Variants in UBLCP1 observed in about 807,000 individuals in gnomAD.
UBLCP1 encodes the protein ubiquitin-like domain-containing CTD phosphatase 1.
UBLCP1 carries 28 observed loss-of-function variants against 42.4 expected under a neutral mutation model. The ratio of observed to expected loss-of-function variants is 0.66; its 90% CI spans 0.49 to 0.90. The LOEUF is 0.90. UBLCP1 is among the 40% of genes least tolerant of loss of function. The pLI is 0.00. For missense variants in UBLCP1, 279 were observed against 374.5 expected, an observed-to-expected ratio of 0.75 and a Z score of 2.10; for synonymous variants, 122 against 120.8, an observed-to-expected ratio of 1.01 and a Z score of -0.07.
intron 8 of UBLCP1, 128 bp downstream of exon 8, chr5:159,275,374 A>G: frequency 1.9e-6 from 1 of 529,748 alleles, no homozygotes. Flanking sequence ...TTGAGTTTTG[A>G]CATAGGAAAA....
rs890536656 is a variant in UBLCP1, at chr5:159,285,897, G to A, written c.*966G>A. ...GCTTAAGCCTGCAGATACGTAATGT[G>A]ACCACTGTTTTGTGTTGACAATATT... On this transcript the variant is annotated 3_prime_UTR_variant, in exon 11 of 11. Coordinates refer to ENST00000296786, the MANE Select transcript of UBLCP1 (RefSeq NM_145049.5). The A allele has an allele frequency of 6.5e-6, 1 of 152,716 alleles. No individual in the cohort carries two copies. The highest frequency in any genetic ancestry group is 2.4e-5 in the African/African-American group (1 of 41,434). The allele number at this position is 152,716 out of a possible 1,614,324, so 9.5% of individuals were successfully genotyped here. A position where few individuals can be genotyped will look rare whatever the true frequency, so the allele number is the denominator to read the frequency against.
At chr5:159,268,688 G>A (rs1009035017) in intron 1 of UBLCP1, among the ~76,000 whole-genome samples, 182 bp from the exon 2 acceptor site, 4 of 152,324 alleles carry the variant, frequency 2.6e-5, no homozygotes, top group African/African-American at 4.8e-5. Flanking sequence ...AATTAGGAGT[G>A]TGGGGGAATT....
At chr5:159,269,267 G>A (rs1053007368) in intron 2 of UBLCP1, among the ~76,000 whole-genome samples, 198 bp downstream of exon 2, 8 of 152,082 alleles carry the variant, frequency 5.3e-5, no homozygotes, top group African/African-American at 9.7e-5. Context: ...AAGTGTTCTC[G>A]AAAATACCAT....
chr5:159,271,209 C>T (rs962240960), intron 5 of UBLCP1, among the ~76,000 whole-genome samples: 9 of 152,070 alleles, frequency 5.9e-5, no homozygotes, highest in Non-Finnish European at 1.2e-4. Flanking sequence ...CATATGTATC[C>T]TGGCACTTTG....
chr5:159,269,398 G>A (rs552850812), intron 2 of UBLCP1, among the ~76,000 whole-genome samples: 3 of 152,256 alleles, frequency 2.0e-5, no homozygotes, highest in South Asian at 4.1e-4. Flanking sequence ...ACAGTGTTTC[G>A]TTGTAACGAG....
chr5:159,263,604 A>C (rs1438414226), intron 1 of UBLCP1, among the ~76,000 whole-genome samples: 2 of 152,040 alleles, frequency 1.3e-5, no homozygotes, highest in African/African-American at 2.4e-5. Flanking sequence ...GCGTCCCCAA[A>C]CTTCATTCCT....
At position 159,283,222 on chromosome 5, in the gene UBLCP1, T is replaced by C. The variant is rs772564560; in HGVS notation, c.812T>C (p.Phe271Ser). ...TTTGTTTCCTAATAGATAAGGCCTT[T>C]TATGAAAGCGCACCTAAATCGTGAT... Reference protein sequence around the residue: ...NPQNGLKIRPFMKAHLNRDKD... With the variant: ...NPQNGLKIRPSMKAHLNRDKD... The change falls in exon 10 of 11, where the codon TTT (phenylalanine) becomes TCT (serine). Residue 271 changes from phenylalanine to serine, a missense_variant. Transcript: ENST00000296786. The C allele has an allele frequency of 3.1e-6, 5 of 1,604,992 alleles. No homozygotes were observed. The highest frequency in any genetic ancestry group is 4.2e-6 in the Non-Finnish European group (5 of 1,176,680).
At chr5:159,266,795 G>C (rs1243851060) in intron 1 of UBLCP1, among the ~76,000 whole-genome samples, 3 of 152,236 alleles carry the variant, frequency 2.0e-5, no homozygotes, top group Non-Finnish European at 2.9e-5. Flanking sequence ...CTTGGGCTGT[G>C]GCTTCAGAGG....
At chr5:159,268,784 G>T in intron 1 of UBLCP1, 86 bp from the exon 2 acceptor site, 1 of 989,270 alleles carries the variant, frequency 1.0e-6, no homozygotes, top group South Asian at 1.7e-5. Flanking sequence ...GTAAAATAAG[G>T]CTTAAACTGT....
chr5:159,267,748 C>G (rs1442173081), intron 1 of UBLCP1, among the ~76,000 whole-genome samples: 2 of 152,188 alleles, frequency 1.3e-5, no homozygotes, highest in African/African-American at 4.8e-5. Flanking sequence ...ATGAATAAGT[C>G]TCATGAGATC....
intron 10 of UBLCP1, 93 bp from the exon 11 acceptor site, chr5:159,284,803 AATGTTTTG>A: frequency 8.3e-7 from 1 of 1,202,106 alleles, no homozygotes; most frequent in South Asian, 1.2e-5. Context: ...CTCATCTTGA[AATGTTTTG>A]TCATTAGAAC....
rs1378740900 is a variant in UBLCP1 at position 159,270,346 on chromosome 5, T to C, written c.247-14T>C. ...GGATAATATGGTAGAACAAAACTTT[T>C]TCCATCTTAATAGGAAGATGTCTTA... On this transcript the variant is annotated splice_polypyrimidine_tract_variant and intron_variant, in intron 3 of 10. Transcript: ENST00000296786. The C allele has an allele frequency of 6.2e-7, 1 of 1,603,816 alleles. No homozygotes were observed. The highest frequency in any genetic ancestry group is 8.5e-7 in the Non-Finnish European group (1 of 1,173,416).
Position 159,272,131 on chromosome 5 carries a change from A to AT in UBLCP1, c.547+17dup. On this transcript the variant is annotated intron_variant, in intron 6 of 10. Transcript: ENST00000296786. ...GACATTGTTATTTGGTGTAAGCTGT[A>AT]TTTTTTTGTTTAGATTTCCGTGGAA... The AT allele has an allele frequency of 6.2e-7, 1 of 1,606,552 alleles. No homozygotes were observed. Among genetic ancestry groups the AT allele is most frequent in the Non-Finnish European group, 8.5e-7 (1 of 1,174,598 alleles).
intron 9 of UBLCP1, among the ~76,000 whole-genome samples, chr5:159,278,972 AC>A (rs1753573023): frequency 6.6e-6 from 1 of 152,208 alleles, no homozygotes; most frequent in Non-Finnish European, 1.5e-5. Flanking sequence ...TTTTAGGTAT[AC>A]AAATCTTGGC....
intron 1 of UBLCP1, among the ~76,000 whole-genome samples, chr5:159,266,206 G>A (rs1241285912): frequency 6.6e-6 from 1 of 152,216 alleles, no homozygotes; most frequent in African/African-American, 2.4e-5. Context: ...AATTCTGATA[G>A]CTATATGAAC....
chr5:159,263,846 C>T (rs1366184791), intron 1 of UBLCP1, among the ~76,000 whole-genome samples: 1 of 152,204 alleles, frequency 6.6e-6, no homozygotes, highest in Non-Finnish European at 1.5e-5. Context: ...CCCGTTAATT[C>T]CCAAAGTGTT....
In UBLCP1 at chr5:159,285,690, AAAC is replaced by A. The variant is rs1753671322; in HGVS notation, c.*760_*762del. 1 of 152,312 alleles carries A rather than the reference AAAC, an allele frequency of 6.6e-6. No homozygotes were observed. Among genetic ancestry groups the A allele is most frequent in the Non-Finnish European group, 1.5e-5 (1 of 68,014 alleles). The allele number at this position is 152,312 out of a possible 1,614,324, so 9.4% of individuals were successfully genotyped here. ...TTGGTGGCTAAGTAGAATCTTCCTA[AAAC>A]CATTGTCATAAAAGCAGTTAAAGGC... is the stretch of plus-strand genomic sequence containing the variant. On this transcript the variant is annotated 3_prime_UTR_variant, in exon 11 of 11. Coordinates refer to ENST00000296786, the MANE Select transcript of UBLCP1 (RefSeq NM_145049.5).
At chr5:159,268,060 A>G (rs181064129) in intron 1 of UBLCP1, among the ~76,000 whole-genome samples, 16 of 151,592 alleles carry the variant, frequency 1.1e-4, no homozygotes, top group African/African-American at 3.6e-4. Context: ...GTAACTAGCT[A>G]TGTGTCTATG....
At chr5:159,265,908 TC>T (rs1753385727) in intron 1 of UBLCP1, among the ~76,000 whole-genome samples, 1 of 152,148 alleles carries the variant, frequency 6.6e-6, no homozygotes, top group Non-Finnish European at 1.5e-5. Flanking sequence ...GGTCTTGAAC[TC>T]CTGACCTAAG....
Sources: gnomAD v4.1 joint callset for allele counts (sites outside exome capture counted in the v4.1 genomes callset) on GRCh38, gnomAD v4.1.1 for gene constraint, MANE v1.5 for transcripts, NCBI Gene and HGNC (gene_info 2026-07-23, HGNC 2026-07-21) for gene names.